Variants in QPCTL observed in about 807,000 individuals in gnomAD.
The protein encoded by QPCTL is glutaminyl-peptide cyclotransferase-like protein.
A neutral mutation model predicts 34.6 loss-of-function variants in QPCTL; 31 were observed. That is an observed-to-expected ratio of 0.90 (90% CI 0.67 to 1.21). The LOEUF is 1.21. Ranked by LOEUF, QPCTL falls within the 50% of genes most tolerant of loss-of-function variation. The probability of loss-of-function intolerance (pLI) is 0.00; values close to 1 mark genes in which losing one functional copy is unlikely to be tolerated. For synonymous variants in QPCTL, 223 were observed against 226.9 expected (o/e 0.98, Z 0.15); for missense variants, 474 against 507.8 (o/e 0.93, Z 0.64).
chr19:45,699,817 A>G (rs893517909), intron 5 of QPCTL, among the ~76,000 whole-genome samples: 30 of 151,318 alleles, frequency 2.0e-4, no homozygotes, highest in African/African-American at 6.8e-4. Context: ...CTGTAATCCT[A>G]GCTATTCGGG....
Position 45,693,491 on chromosome 19 carries a change from A to C in QPCTL, c.286A>C (p.Thr96Pro), listed in dbSNP as rs1600336670. 1 of 1,613,252 alleles carries C rather than the reference A, an allele frequency of 6.2e-7. No homozygotes were observed. Among genetic ancestry groups the C allele is most frequent in the African/African-American group, 1.3e-5 (1 of 74,994 alleles). ...GQLDPQRLWSTYLRPLLVVRT... is the reference protein window; with the variant it reads ...GQLDPQRLWSPYLRPLLVVRT... ...ACTGGATCCACAGCGTCTCTGGAGC[A>C]CTTATCTGCGCCCCCTGCTGGTTGT... The change falls in exon 2 of 7, where the codon ACT becomes CCT. Residue 96 changes from threonine to proline, a missense_variant. Thr to Pro is a conservative substitution (Grantham distance 38). Coordinates refer to ENST00000012049, the MANE Select transcript of QPCTL (RefSeq NM_017659.4).
At chr19:45,698,134 A>G (rs920156957) in intron 3 of QPCTL, among the ~76,000 whole-genome samples, 3 of 151,836 alleles carry the variant, frequency 2.0e-5, no homozygotes, top group Non-Finnish European at 4.4e-5. Context: ...TCACAGCTGT[A>G]TGGGAGGCTG....
intron 3 of QPCTL, among the ~76,000 whole-genome samples, chr19:45,697,372 G>A (rs1317496012): frequency 6.8e-6 from 1 of 146,676 alleles, no homozygotes; most frequent in Non-Finnish European, 1.5e-5. Context: ...TTTGCAGTGA[G>A]CCGAGATCGC....
At chr19:45,700,001 T>C (rs1967779371) in intron 5 of QPCTL, among the ~76,000 whole-genome samples, 1 of 150,368 alleles carries the variant, frequency 6.7e-6, no homozygotes, top group African/African-American at 2.5e-5. Flanking sequence ...CTTGGGAGGC[T>C]GAAGTGGTAG....
At chr19:45,695,158 C>T (rs781023907) in intron 2 of QPCTL, among the ~76,000 whole-genome samples, 8 of 151,878 alleles carry the variant, frequency 5.3e-5, no homozygotes, top group Admixed American at 6.6e-5. Flanking sequence ...TTGTAGGGGG[C>T]GCCTGTAACC....
intron 5 of QPCTL, among the ~76,000 whole-genome samples, chr19:45,700,248 C>T (rs1967783929): frequency 1.3e-5 from 2 of 152,080 alleles, no homozygotes; most frequent in South Asian, 4.2e-4. Context: ...AGTTTGAGAC[C>T]AGCCTGGCGA....
rs1237657705 is a variant in QPCTL at position 45,703,541 on chromosome 19, G to A, written c.*492G>A. The A allele has an allele frequency of 6.5e-6, 1 of 153,308 alleles. No homozygotes were observed. The highest frequency in any genetic ancestry group is 1.5e-5 in the Non-Finnish European group (1 of 68,794). The allele number at this position is 153,308 out of a possible 1,614,324, so 9.5% of individuals were successfully genotyped here. A position where few individuals can be genotyped will look rare whatever the true frequency, so the allele number is the denominator to read the frequency against. ...AGACGGGGTTTCACCGTGTTAGCCA[G>A]GATGGTCTCGATCTCCTGACCTTGT... On this transcript the variant is annotated 3_prime_UTR_variant, in exon 7 of 7. Coordinates refer to ENST00000012049, the MANE Select transcript of QPCTL (RefSeq NM_017659.4).
chr19:45,696,515 G>A (rs1037554730), intron 3 of QPCTL, among the ~76,000 whole-genome samples: 6 of 151,794 alleles, frequency 4.0e-5, no homozygotes, highest in Non-Finnish European at 5.9e-5. Flanking sequence ...GCTTGAACCC[G>A]GGAGGCGGAG....
At chr19:45,701,958 C>T (rs1304453518) in intron 6 of QPCTL, 44 bp downstream of exon 6, 1 of 1,518,242 alleles carries the variant, frequency 6.6e-7, no homozygotes, top group Admixed American at 1.7e-5. Flanking sequence ...TCCAAGGAAG[C>T]CACAAATTGG....
At position 45,698,603 on chromosome 19, in the gene QPCTL, G is replaced by T. The variant is rs1348136391; in HGVS notation, c.690G>T (p.Glu230Asp). Reference sequence around the variant, plus strand: ...TGGATGGTGAAGAGGCGCTGAAGGAGTGGGGACCCAAGGACTCCCTTTACG... The same window carrying T: ...TGGATGGTGAAGAGGCGCTGAAGGATTGGGGACCCAAGGACTCCCTTTACG... The part of the protein sequence containing the change: ...LFLDGEEALK[E>D]WGPKDSLYGS... The change falls in exon 4 of 7, where the codon GAG becomes GAT. Residue 230 changes from glutamate (E) to aspartate (D), a missense_variant. By Grantham distance (45) the Glu-to-Asp change is conservative (BLOSUM62 2). Transcript: ENST00000012049. The T allele has an allele frequency of 6.2e-7, 1 of 1,614,170 alleles. No homozygotes were observed. Among genetic ancestry groups the T allele is most frequent in the African/African-American group, 1.3e-5 (1 of 75,062 alleles).
intron 2 of QPCTL, among the ~76,000 whole-genome samples, chr19:45,694,768 C>T (rs1053107941): frequency 1.3e-5 from 2 of 152,128 alleles, no homozygotes; most frequent in African/African-American, 2.4e-5. Context: ...CGCGCCCGGC[C>T]TGGACTAGTT....
At chr19:45,696,110 A>T (rs1270679026) in intron 3 of QPCTL, among the ~76,000 whole-genome samples, 1 of 151,822 alleles carries the variant, frequency 6.6e-6, no homozygotes, top group African/African-American at 2.4e-5. Context: ...CTCCCGCCTC[A>T]TTCCAGCCAT....
Position 45,695,692 on chromosome 19 carries a change from C to T in QPCTL, c.607C>T (p.Leu203=), listed in dbSNP as rs1022110696. The part of the protein sequence containing the change: ...LLLELAQALD[L]ELSRAKKQAA... Reference sequence around the variant, plus strand: ...GCTGGAGCTGGCCCAAGCACTTGACCTGGAGCTGAGCAGGGCCAAAAAACA... The same window carrying T: ...GCTGGAGCTGGCCCAAGCACTTGACTTGGAGCTGAGCAGGGCCAAAAAACA... The change falls in exon 3 of 7, where the codon CTG becomes TTG. Residue 203 remains leucine, a synonymous_variant. Coordinates refer to ENST00000012049, the MANE Select transcript of QPCTL (RefSeq NM_017659.4). 1.2e-6 allele frequency: 2 copies of T among 1,612,580 alleles called. No individual in the cohort carries two copies. Among genetic ancestry groups the T allele is most frequent in the South Asian group, 2.2e-5 (2 of 91,068 alleles).
At chr19:45,699,564 A>G (rs7256197) in intron 5 of QPCTL, among the ~76,000 whole-genome samples, 108,531 of 151,700 alleles carry the variant, frequency 0.72, 39,063 homozygotes, top group East Asian at 0.83. Context: ...TTTGAGAGGC[A>G]GGTGGATCAC....
chr19:45,693,631 C>G, intron 2 of QPCTL, 75 bp downstream of exon 2: 1 of 1,500,774 alleles, frequency 6.7e-7, no homozygotes, highest in Non-Finnish European at 8.9e-7. Flanking sequence ...GTTCAAGATC[C>G]CAAAGAAGCT....
Position 45,692,673 on chromosome 19 carries a change from G to A in QPCTL, c.-31G>A. ...TTGGCTGGGCCTAAACTCAATCCGT[G>A]GTCTGGTACAGGTTTCAGGGCAAAG... On this transcript the variant is annotated 5_prime_UTR_variant, in exon 1 of 7. Coordinates refer to ENST00000012049, the MANE Select transcript of QPCTL (RefSeq NM_017659.4). 1.4e-6 allele frequency: 2 copies of A among 1,466,916 alleles called. No individual in the cohort carries two copies. Among genetic ancestry groups the A allele is most frequent in the Non-Finnish European group, 1.8e-6 (2 of 1,100,912 alleles). The allele number at this position is 1,466,916 out of a possible 1,614,324, so 90.9% of individuals were successfully genotyped here.
chr19:45,697,645 C>T (rs777117220), intron 3 of QPCTL, among the ~76,000 whole-genome samples: 7 of 152,056 alleles, frequency 4.6e-5, no homozygotes, highest in Non-Finnish European at 7.4e-5. Context: ...TGGGAATACT[C>T]TTCCTCCTGC....
In QPCTL at chr19:45,698,792, T is replaced by C; in HGVS notation, c.787-9T>C. 1 of 1,613,802 alleles carries C rather than the reference T, an allele frequency of 6.2e-7. No individual in the cohort carries two copies. The highest frequency in any genetic ancestry group is 1.3e-5 in the African/African-American group (1 of 75,014). On this transcript the variant is annotated splice_polypyrimidine_tract_variant and intron_variant, in intron 4 of 6. Transcript: ENST00000012049. ...CACGGGCCCCTCCAGTCCTAGCCTT[T>C]CTCCTTAGGAGCTCTTTATGCTTCT...
Position 45,703,328 on chromosome 19 carries a change from A to G in QPCTL, c.*279A>G, listed in dbSNP as rs1389647511. ...TTGGTCCAAAGGTTTGCAGGGACCA[A>G]ATACTGTTCTTTTTTTTTTTGAGAC... On this transcript the variant is annotated 3_prime_UTR_variant, in exon 7 of 7. Transcript: ENST00000012049. 2.6e-6 allele frequency: 1 copy of G among 384,214 alleles called. No individual in the cohort carries two copies. The highest frequency in any genetic ancestry group is 4.0e-5 in the Admixed American group (1 of 25,000). The allele number at this position is 384,214 out of a possible 1,614,324, so 23.8% of individuals were successfully genotyped here. A position where few individuals can be genotyped will look rare whatever the true frequency, so the allele number is the denominator to read the frequency against.
Sources: allele counts gnomAD v4.1 joint callset (sites outside exome capture counted in the v4.1 genomes callset), GRCh38; gene constraint gnomAD v4.1.1; transcripts MANE v1.5; gene names NCBI Gene and HGNC (gene_info 2026-07-23, HGNC 2026-07-21).